PAX9: variants seen among roughly 807,000 people sequenced by gnomAD.
PAX9 encodes paired box 9.
In PAX9, 6 loss-of-function variants were observed where a neutral mutation model predicts 29.1. The observed-to-expected ratio is 0.21, with a 90% CI of 0.11 to 0.41. PAX9 has a LOEUF of 0.41. Ranked by LOEUF, PAX9 falls within the 10% of genes least tolerant of loss-of-function variation. The pLI is 1.00. For synonymous variants in PAX9, 217 were observed against 211.7 expected (o/e 1.03, Z -0.22); for missense variants, 443 against 479.1 (o/e 0.92, Z 0.70).
chr14:36,668,570 G>A (rs1594471053), intron 3 of PAX9, among the ~76,000 whole-genome samples: 1 of 152,180 alleles, frequency 6.6e-6, no homozygotes, highest in East Asian at 1.9e-4. Context: ...TGTGTTTTTA[G>A]TAGAGAGAGG....
upstream of PAX9, among the ~76,000 whole-genome samples, chr14:36,661,364 C>T (rs1452719783): frequency 2.6e-5 from 4 of 152,222 alleles, no homozygotes; most frequent in African/African-American, 4.8e-5. Context: ...CCTGCGCTCT[C>T]GCCACCTGGC....
intron 3 of PAX9, 99 bp downstream of exon 3, chr14:36,666,700 G>A (rs2139112921): frequency 6.9e-7 from 1 of 1,445,518 alleles, no homozygotes; most frequent in Non-Finnish European, 9.5e-7. Context: ...TCCCGCGAGA[G>A]AAGCCCAGGC....
At chr14:36,674,196 G>C (rs946488668) in intron 3 of PAX9, among the ~76,000 whole-genome samples, 1 of 152,204 alleles carries the variant, frequency 6.6e-6, no homozygotes, top group Non-Finnish European at 1.5e-5. Flanking sequence ...TTCTCAAAAA[G>C]TGGAAGAAAC....
In PAX9 at chr14:36,679,242, A is replaced by AAAT. The variant is rs1882069208; in HGVS notation, c.*2791_*2793dup. ...TTTATTGAATATTGGACTGAAATAT[A>AAAT]AATTTTAAAAAACACGTTGGAAAGG... On this transcript the variant is annotated 3_prime_UTR_variant, in exon 4 of 4. Coordinates refer to ENST00000361487, the MANE Select transcript of PAX9 (RefSeq NM_001372076.1). The AAAT allele has an allele frequency of 7.1e-6, 7 of 984,296 alleles. No homozygotes were observed. Among genetic ancestry groups the AAAT allele is most frequent in the Non-Finnish European group, 8.4e-6 (7 of 828,920 alleles). The allele number at this position is 984,296 out of a possible 1,614,324, so 61.0% of individuals were successfully genotyped here. A position where few individuals can be genotyped will look rare whatever the true frequency, so the allele number is the denominator to read the frequency against.
chr14:36,679,011 C>T lies in PAX9; in HGVS notation c.*2559C>T, dbSNP rs61994921. ...TATCTCATAGATGGTAAAAGTGTTG[C>T]TTTTAAACTGGCAAATGCACTCTTC... On this transcript the variant is annotated 3_prime_UTR_variant, in exon 4 of 4. Transcript: ENST00000361487. The T allele has an allele frequency of 1.0e-6, 1 of 952,762 alleles. No individual in the cohort carries two copies. 59.0% of individuals were successfully genotyped at this position (952,762 alleles called of 1,614,324 possible).
chr14:36,676,058 C>T (rs564559597), intron 3 of PAX9, 140 bp from the exon 4 acceptor site: 1 of 760,942 alleles, frequency 1.3e-6, no homozygotes, highest in South Asian at 1.8e-5. Flanking sequence ...TAATAAAGCT[C>T]AAATTTTTTT....
chr14:36,665,573 T>C (rs953339690), intron 2 of PAX9, among the ~76,000 whole-genome samples: 3 of 152,204 alleles, frequency 2.0e-5, no homozygotes, highest in Non-Finnish European at 2.9e-5. Flanking sequence ...ACCCCAGGTA[T>C]TATAGTAATT....
chr14:36,660,917 C>T (rs867763558), upstream of PAX9, among the ~76,000 whole-genome samples: 1 of 152,202 alleles, frequency 6.6e-6, no homozygotes, highest in African/African-American at 2.4e-5. Context: ...TAATGGAAGA[C>T]GAGGGAATTA....
rs1392177023 is a variant in PAX9 at position 36,677,242 on chromosome 14, T to TTGG, written c.*797_*799dup. On this transcript the variant is annotated 3_prime_UTR_variant, in exon 4 of 4. Coordinates refer to ENST00000361487, the MANE Select transcript of PAX9 (RefSeq NM_001372076.1). ...TTTCTGGCAACGTCTTTGTCTCTGT[T>TTGG]TGGTGGTGGGCTGCTCGGGCTCCTG... The TTGG allele has an allele frequency of 6.6e-6, 1 of 152,332 alleles. No individual in the cohort carries two copies. Among genetic ancestry groups the TTGG allele is most frequent in the East Asian group, 1.9e-4 (1 of 5,190 alleles). 9.4% of individuals were successfully genotyped at this position (152,332 alleles called of 1,614,324 possible).
rs529627165 is a variant in PAX9 at position 36,663,768 on chromosome 14, C to A, written c.631+245C>A. Among the ~76,000 whole-genome samples the A allele has an allele frequency of 1.2e-4, 19 of 152,350 alleles. No individual in the cohort carries two copies. The South Asian group carries it at 3.9e-3, about 32-fold the overall frequency. ...AACTACCAGACCCATAACATCCCCC[C>A]ATCCCCAACACATGGTTCGCATTTT... On this transcript the variant is annotated intron_variant, in intron 2 of 3. Coordinates refer to ENST00000361487, the MANE Select transcript of PAX9 (RefSeq NM_001372076.1).
At chr14:36,672,478 A>G (rs1219933754) in intron 3 of PAX9, among the ~76,000 whole-genome samples, 2 of 152,216 alleles carry the variant, frequency 1.3e-5, no homozygotes, top group Non-Finnish European at 2.9e-5. Context: ...TGCTTCATAA[A>G]TAACAATTAC....
At chr14:36,661,257 C>T (rs1054862926), upstream of PAX9, among the ~76,000 whole-genome samples, 24 of 152,240 alleles carry the variant, frequency 1.6e-4, no homozygotes, top group Admixed American at 7.2e-4. Context: ...AGGAAGCTGG[C>T]GGTAGGAGGA....
rs543851630 is a variant in PAX9, at chr14:36,676,355, T to G, written c.929T>G (p.Leu310Trp). The part of the protein sequence containing the change: ...HGWQHAGGTS[L>W]SPHNCDIPAS... The stretch of plus-strand genomic sequence containing the variant: ...TGGCAACATGCTGGGGGCACCTCAT[T>G]GTCTCCCCACAACTGTGACATTCCG... Residue 310 changes from leucine to tryptophan, a missense_variant, in exon 4 of 4, where the codon TTG becomes TGG. By Grantham distance (61) the Leu-to-Trp change is moderately conservative. Coordinates refer to ENST00000361487, the MANE Select transcript of PAX9 (RefSeq NM_001372076.1). The G allele has an allele frequency of 3.7e-6, 6 of 1,614,146 alleles. No homozygotes were observed. The highest frequency in any genetic ancestry group is 3.3e-5 in the South Asian group (3 of 91,084).
At chr14:36,668,479 C>T (rs748218691) in intron 3 of PAX9, among the ~76,000 whole-genome samples, 1 of 152,164 alleles carries the variant, frequency 6.6e-6, no homozygotes, top group Non-Finnish European at 1.5e-5. Context: ...GCCTCTGCCT[C>T]CCGGGTTCAA....
intron 2 of PAX9, among the ~76,000 whole-genome samples, chr14:36,665,489 T>A (rs183019284): frequency 2.0e-5 from 3 of 152,254 alleles, no homozygotes; most frequent in African/African-American, 7.2e-5. Flanking sequence ...CAAACATACA[T>A]TGTTTGTAGC....
chr14:36,664,487 C>G (rs1321072687), intron 2 of PAX9, among the ~76,000 whole-genome samples: 1 of 152,076 alleles, frequency 6.6e-6, no homozygotes, highest in Non-Finnish European at 1.5e-5. Flanking sequence ...AGCGTCCTTT[C>G]TGCCTTGTCA....
chr14:36,669,252 A>G (rs1298120895), intron 3 of PAX9, among the ~76,000 whole-genome samples: 1 of 152,238 alleles, frequency 6.6e-6, no homozygotes, highest in Non-Finnish European at 1.5e-5. Context: ...ACTTGTTTAT[A>G]AACATACAAA....
intron 3 of PAX9, among the ~76,000 whole-genome samples, chr14:36,674,096 A>AT (rs1198126749): frequency 3.9e-5 from 6 of 152,284 alleles, no homozygotes; most frequent in African/African-American, 1.4e-4. Flanking sequence ...GCAAAACTAG[A>AT]TTTTTTCCCC....
At chr14:36,672,805 G>A (rs1451602417) in intron 3 of PAX9, among the ~76,000 whole-genome samples, 1 of 112,872 alleles carries the variant, frequency 8.9e-6, no homozygotes, top group Non-Finnish European at 1.9e-5. Flanking sequence ...TTAAGCAAAC[G>A]TTTTAGCCTC....
Sources: allele counts gnomAD v4.1 joint callset (sites outside exome capture counted in the v4.1 genomes callset), GRCh38; gene constraint gnomAD v4.1.1; transcripts MANE v1.5; gene names NCBI Gene and HGNC (gene_info 2026-07-23, HGNC 2026-07-21).